The following DNAAF4 variants were observed in gnomAD, a reference collection of about 807,000 sequenced individuals.
DNAAF4 encodes dynein axonemal assembly factor 4.
Under a neutral mutation model 51.8 loss-of-function variants are expected in DNAAF4, and 43 were observed. That is an observed-to-expected ratio of 0.83 (90% confidence interval 0.65 to 1.07). The LOEUF is 1.07. Ranked by LOEUF, DNAAF4 falls within the 50% of genes least tolerant of loss-of-function variation. The probability of loss-of-function intolerance (pLI) is 0.00; values close to 1 mark genes in which losing one functional copy is unlikely to be tolerated. For synonymous variants in DNAAF4, 194 were observed against 165.6 expected, an observed-to-expected ratio of 1.17 and a Z score of -1.32; for missense variants, 581 against 493.0, an observed-to-expected ratio of 1.18 and a Z score of -1.69.
Position 55,442,832 on chromosome 15 carries a change from C to T in DNAAF4, c.784-3251G>A, listed in dbSNP as rs149029473. Reference sequence around the variant, plus strand: ...CTGATGTTGAGATTGGCAGTCATGACGATTCCCCCAGCCATCATTGCACAC... The same window carrying T: ...CTGATGTTGAGATTGGCAGTCATGATGATTCCCCCAGCCATCATTGCACAC... On this transcript the variant is annotated intron_variant, in intron 6 of 9. Transcript: ENST00000321149. The T allele has an allele frequency of 2.8e-3, 4,552 of 1,612,892 alleles. 56 individuals carry two copies. The African/African-American group carries it at 0.035, about 13-fold the overall frequency.
At chr15:55,433,263 G>A (rs1288719231) in intron 8 of DNAAF4, among the ~76,000 whole-genome samples, 1 of 151,768 alleles carries the variant, frequency 6.6e-6, no homozygotes, top group Non-Finnish European at 1.5e-5. Flanking sequence ...ACGCACCACT[G>A]CACTCCAGCC....
chr15:55,461,967 G>A (rs966045991), intron 5 of DNAAF4, among the ~76,000 whole-genome samples: 1 of 152,066 alleles, frequency 6.6e-6, no homozygotes, highest in Non-Finnish European at 1.5e-5. Flanking sequence ...AAATACCACA[G>A]GGATACAAAA....
At chr15:55,445,940 GCTC>G (rs1179576270) in intron 6 of DNAAF4, among the ~76,000 whole-genome samples, 1 of 129,002 alleles carries the variant, frequency 7.8e-6, no homozygotes, top group Non-Finnish European at 1.6e-5. Context: ...GAGCAGAGGC[GCTC>G]CTCACCTCCC....
intron 7 of DNAAF4, among the ~76,000 whole-genome samples, chr15:55,435,593 C>T (rs976721821): frequency 6.6e-6 from 1 of 152,106 alleles, no homozygotes; most frequent in Non-Finnish European, 1.5e-5. Flanking sequence ...CTGGATCAAG[C>T]TTTACTTGAA....
intron 8 of DNAAF4, among the ~76,000 whole-genome samples, chr15:55,432,863 T>C (rs1450113356): frequency 5.3e-5 from 8 of 151,852 alleles, no homozygotes; most frequent in East Asian, 1.9e-4. Flanking sequence ...GGCGGGAGAA[T>C]TGCTTGAACC....
chr15:55,427,525 G>A (rs1024027231), downstream of DNAAF4, among the ~76,000 whole-genome samples: 10 of 152,292 alleles, frequency 6.6e-5, no homozygotes, highest in African/African-American at 2.4e-4. Flanking sequence ...TCAGTTTATT[G>A]ATCTGGGTGG....
rs1384310294 is a variant in DNAAF4, at chr15:55,494,565, C to G, written c.271+3147G>C. 2.0e-5 allele frequency among the ~76,000 whole-genome samples: 3 copies of G among 151,974 alleles called. No homozygotes were observed. The East Asian group carries it at 5.8e-4, about 30-fold the overall frequency. ...TAGCTGGGACTACAGGCATCCACTA[C>G]CACGCCTGACGAAGTTTTGTATTTT... is the stretch of plus-strand genomic sequence containing the variant. On this transcript the variant is annotated intron_variant, in intron 3 of 9. Transcript: ENST00000321149.
intron 3 of DNAAF4, among the ~76,000 whole-genome samples, chr15:55,495,609 C>T (rs536514243): frequency 6.6e-6 from 1 of 152,218 alleles, no homozygotes; most frequent in East Asian, 1.9e-4. Context: ...TTGGTGCACA[C>T]CTGTAGTCCC....
intron 5 of DNAAF4, among the ~76,000 whole-genome samples, chr15:55,459,742 T>A (rs966762273): frequency 6.6e-6 from 1 of 151,894 alleles, no homozygotes; most frequent in Non-Finnish European, 1.5e-5. Context: ...CTCCTTCTGT[T>A]GCCCAGGCTG....
chr15:55,491,187 GCTT>G lies in DNAAF4; in HGVS notation c.338_340del (p.Glu113del), dbSNP rs1567033049. ...CTTTGCTGCAGCTTTTGCTTCTGTAGCTTCTTTTGCTCTCTCTTGTGCTTGTAA... is the reference window on the plus strand; with the variant it reads ...CTTTGCTGCAGCTTTTGCTTCTGTAGCTTTTGCTCTCTCTTGTGCTTGTAA... On this transcript the variant is annotated inframe_deletion, in exon 4 of 10. Transcript: ENST00000321149. 1.2e-6 allele frequency: 2 copies of G among 1,613,930 alleles called. No individual in the cohort carries two copies. The highest frequency in any genetic ancestry group is 4.5e-5 in the East Asian group (2 of 44,852).
rs921186743 is a variant in DNAAF4 at position 55,432,602 on chromosome 15, C to T, written c.1048G>A (p.Ala350Thr). 6.2e-7 allele frequency: 1 copy of T among 1,605,816 alleles called. No individual in the cohort carries two copies. The highest frequency in any genetic ancestry group is 8.5e-7 in the Non-Finnish European group (1 of 1,174,898). Residue 350 changes from alanine to threonine, a missense_variant and splice_region_variant, in exon 9 of 10, where the codon GCA (alanine) becomes ACA (threonine). Ala to Thr is a moderately conservative substitution (Grantham distance 58). Coordinates refer to ENST00000321149, the MANE Select transcript of DNAAF4 (RefSeq NM_130810.4). ...LHKAIEDSSK[A>T]LELLMPPVTD... is the part of the protein sequence containing the mutation. ...ACAGGTGGCATCAATAATTCCAGTG[C>T]CTTACAAAATATATATAATTATTAC... is the stretch of plus-strand genomic sequence containing the variant.
chr15:55,467,901 T>G (rs1453486125), intron 4 of DNAAF4, among the ~76,000 whole-genome samples: 1 of 151,264 alleles, frequency 6.6e-6, no homozygotes, highest in African/African-American at 2.4e-5. Context: ...AAAAACCTTG[T>G]GAAACAGAGT....
chr15:55,473,221 A>ATATATG lies in DNAAF4; in HGVS notation c.406-6061_406-6060insCATATA, dbSNP rs1555418750. 9.3e-4 allele frequency among the ~76,000 whole-genome samples: 90 copies of ATATATG among 97,160 alleles called. 1 individual carries two copies. The highest frequency in any genetic ancestry group is 2.9e-3 in the South Asian group (8 of 2,718). 63.7% of individuals were successfully genotyped at this position (97,160 alleles called of 152,430 possible). ...AAAATATATATATATATATATATAT[A>ATATATG]TGTGTGTGTGTATATATATATATGT... On this transcript the variant is annotated intron_variant, in intron 4 of 9. Transcript: ENST00000321149.
At chr15:55,456,246 C>T (rs1418664671) in intron 5 of DNAAF4, among the ~76,000 whole-genome samples, 1 of 151,782 alleles carries the variant, frequency 6.6e-6, no homozygotes, top group African/African-American at 2.4e-5. Context: ...CCACGTCCGG[C>T]TAGTTTTGTA....
At position 55,508,194 on chromosome 15, in the gene DNAAF4, T is replaced by C. The variant is rs1020106972; in HGVS notation, c.-328A>G. Reference sequence around the variant, plus strand: ...GAGCAGCATGCTGGGGCCAGAGTAGTCTGCTGGATCCATGGTGTGGGTTTG... The same window carrying C: ...GAGCAGCATGCTGGGGCCAGAGTAGCCTGCTGGATCCATGGTGTGGGTTTG... On this transcript the variant is annotated 5_prime_UTR_variant, in exon 1 of 10. Transcript: ENST00000321149. 2 of 152,216 alleles carry C rather than the reference T, an allele frequency of 1.3e-5. No homozygotes were observed. Among genetic ancestry groups the C allele is most frequent in the African/African-American group, 4.8e-5 (2 of 41,454 alleles). 9.4% of individuals were successfully genotyped at this position (152,216 alleles called of 1,614,324 possible). A position where few individuals can be genotyped will look rare whatever the true frequency, so the allele number is the denominator to read the frequency against.
intron 1 of DNAAF4, among the ~76,000 whole-genome samples, chr15:55,500,992 CAAAA>C (rs111778667): frequency 0.12 from 7,829 of 65,828 alleles, 808 homozygotes; most frequent in African/African-American, 0.26. Flanking sequence ...AACTGAGTCT[CAAAA>C]AAAAAAAAAA....
chr15:55,484,265 C>T (rs1032929286), intron 4 of DNAAF4, among the ~76,000 whole-genome samples: 12 of 151,950 alleles, frequency 7.9e-5, no homozygotes, highest in African/African-American at 1.5e-4. Flanking sequence ...AGGTGAATCA[C>T]GAGGTCAGGA....
chr15:55,492,324 A>G (rs887505452), intron 3 of DNAAF4, among the ~76,000 whole-genome samples: 1 of 151,452 alleles, frequency 6.6e-6, no homozygotes, highest in Non-Finnish European at 1.5e-5. Context: ...TGAGGGGAAG[A>G]CAAAGTAGGG....
At chr15:55,490,490 A>C (rs532711828) in intron 4 of DNAAF4, among the ~76,000 whole-genome samples, 1 of 152,336 alleles carries the variant, frequency 6.6e-6, no homozygotes, top group South Asian at 2.1e-4. Flanking sequence ...AAATTTGACA[A>C]TAATGTTTTA....
Sources: gnomAD v4.1 joint callset for allele counts (sites outside exome capture counted in the v4.1 genomes callset) on GRCh38, gnomAD v4.1.1 for gene constraint, MANE v1.5 for transcripts, NCBI Gene and HGNC (gene_info 2026-07-23, HGNC 2026-07-21) for gene names.